FAT3: variants seen among roughly 807,000 people sequenced by gnomAD.
The protein encoded by FAT3 is FAT atypical cadherin 3.
Under a neutral mutation model 310.2 loss-of-function variants are expected in FAT3, and 95 were observed. The observed-to-expected ratio is 0.31, with a 90% confidence interval of 0.26 to 0.36. FAT3 has a LOEUF of 0.36. FAT3 is among the 10% of genes least tolerant of loss of function. The pLI is 1.00. For missense variants in FAT3, 5,408 were observed against 5,715.6 expected (o/e 0.95, Z 1.74); for synonymous variants, 2,314 against 2,192.9 (o/e 1.06, Z -1.54).
At chr11:92,746,753 A>T (rs891474063) in intron 4 of FAT3, among the ~76,000 whole-genome samples, 1 of 152,186 alleles carries the variant, frequency 6.6e-6, no homozygotes, top group African/African-American at 2.4e-5. Context: ...CCCATTCCAA[A>T]TGGGAGAAAT....
In FAT3 at chr11:92,867,271, A is replaced by C. The variant is rs570546718; in HGVS notation, c.12127+62A>C. The C allele has an allele frequency of 4.4e-5, 63 of 1,446,628 alleles. 1 individual carries two copies. The South Asian group carries it at 7.4e-4, about 17-fold the overall frequency. The allele number at this position is 1,446,628 out of a possible 1,614,324, so 89.6% of individuals were successfully genotyped here. ...TTTGAGGGGAGAGTGAATGAACTGC[A>C]GGGGGATCCCTGCCCTCCCAACGCA... is the stretch of plus-strand genomic sequence containing the variant. On this transcript the variant is annotated intron_variant, in intron 22 of 27. Transcript: ENST00000525166.
chr11:92,339,577 T>C (rs1381565760), intron 1 of FAT3, among the ~76,000 whole-genome samples: 1 of 152,206 alleles, frequency 6.6e-6, no homozygotes, highest in East Asian at 1.9e-4. Flanking sequence ...GCAAATGAAA[T>C]GTTCTGTGTG....
intron 2 of FAT3, among the ~76,000 whole-genome samples, chr11:92,482,378 A>C (rs1952251251): frequency 6.6e-6 from 1 of 152,156 alleles, no homozygotes; most frequent in Non-Finnish European, 1.5e-5. Context: ...GCTGCTGAGC[A>C]CATGCAGTGC....
chr11:92,782,569 T>C (rs531309042), intron 7 of FAT3, among the ~76,000 whole-genome samples: 2 of 152,120 alleles, frequency 1.3e-5, no homozygotes, highest in Non-Finnish European at 2.9e-5. Context: ...AAGTAATTAA[T>C]TAATTAAAAT....
In FAT3 at chr11:92,380,031, G is replaced by A. The variant is rs142277596; in HGVS notation, c.3292+24627G>A. On this transcript the variant is annotated intron_variant, in intron 2 of 27. Transcript: ENST00000525166. ...GACAGGATGGATAGTTCTCTTGCTT[G>A]ATGATGTCGTTGAGTCAGAATGCCA... Among the ~76,000 whole-genome samples the A allele has an allele frequency of 6.6e-5, 10 of 151,642 alleles. No individual in the cohort carries two copies. The East Asian group carries it at 2.0e-3, about 30-fold the overall frequency.
chr11:92,343,393 A>G (rs1315349541), intron 1 of FAT3, among the ~76,000 whole-genome samples: 1 of 152,182 alleles, frequency 6.6e-6, no homozygotes, highest in Non-Finnish European at 1.5e-5. Context: ...TCTTCTTGTT[A>G]TAAAGCCATA....
intron 3 of FAT3, among the ~76,000 whole-genome samples, chr11:92,599,165 G>T (rs1330133716): frequency 1.3e-5 from 2 of 152,140 alleles, no homozygotes; most frequent in African/African-American, 4.8e-5. Flanking sequence ...TCATGCTGCT[G>T]ATAAAGACAT....
chr11:92,760,397 G>C (rs1946115137), intron 4 of FAT3, among the ~76,000 whole-genome samples: 1 of 152,148 alleles, frequency 6.6e-6, no homozygotes. Context: ...TGAAAAAATA[G>C]CTGACCAGCT....
chr11:92,548,201 T>C (rs753719364), intron 3 of FAT3, among the ~76,000 whole-genome samples: 10 of 152,164 alleles, frequency 6.6e-5, no homozygotes, highest in Non-Finnish European at 1.2e-4. Context: ...GTTGGTGACT[T>C]GTTACTTAGC....
At chr11:92,789,222 C>T (rs186744556) in intron 7 of FAT3, among the ~76,000 whole-genome samples, 97 of 152,076 alleles carry the variant, frequency 6.4e-4, no homozygotes, top group Middle Eastern at 6.8e-3. Flanking sequence ...TTTAAAATAA[C>T]GTGGGAATAG....
intron 9 of FAT3, among the ~76,000 whole-genome samples, chr11:92,796,309 C>T (rs1197857799): frequency 3.3e-5 from 5 of 152,084 alleles, no homozygotes; most frequent in Admixed American, 2.0e-4. Flanking sequence ...TAAATCATGC[C>T]GACATCAAAG....
At chr11:92,561,107 T>A (rs1032680781) in intron 3 of FAT3, among the ~76,000 whole-genome samples, 1 of 152,208 alleles carries the variant, frequency 6.6e-6, no homozygotes, top group East Asian at 1.9e-4. Flanking sequence ...TTCAGTTACT[T>A]AATAGCCTGT....
rs781109415 is a variant in FAT3, at chr11:92,880,718, T to C, written c.12128-13T>C. On this transcript the variant is annotated splice_polypyrimidine_tract_variant and intron_variant, in intron 22 of 27. Coordinates refer to ENST00000525166, the MANE Select transcript of FAT3 (RefSeq NM_001367949.2). ...GTGGCATCCATGGCTCATGAGGTCCTCTGTTTCCCCAGGCTATCAGTGTAC... is the reference window on the plus strand; with the variant it reads ...GTGGCATCCATGGCTCATGAGGTCCCCTGTTTCCCCAGGCTATCAGTGTAC... 26 of 1,610,064 alleles carry C rather than the reference T, an allele frequency of 1.6e-5. No homozygotes were observed. In the Admixed American group the frequency reaches 4.0e-4, roughly 25 times the overall value.
intron 2 of FAT3, among the ~76,000 whole-genome samples, chr11:92,512,074 C>T (rs1953309673): frequency 6.6e-6 from 1 of 152,152 alleles, no homozygotes; most frequent in Non-Finnish European, 1.5e-5. Context: ...CAGTGTGCCA[C>T]ATTCCAGGCC....
intron 2 of FAT3, among the ~76,000 whole-genome samples, chr11:92,461,030 T>A (rs1281737025): frequency 2.0e-5 from 3 of 152,198 alleles, no homozygotes; most frequent in Non-Finnish European, 4.4e-5. Flanking sequence ...AGTCCATGGC[T>A]AAAGGAAAAA....
intron 1 of FAT3, among the ~76,000 whole-genome samples, chr11:92,246,003 T>G (rs1218602163): frequency 1.3e-5 from 2 of 151,626 alleles, no homozygotes; most frequent in East Asian, 3.9e-4. Flanking sequence ...GTCAGCAGGG[T>G]GATTAAGGAT....
At chr11:92,729,117 A>G (rs1945093609) in intron 4 of FAT3, among the ~76,000 whole-genome samples, 1 of 152,064 alleles carries the variant, frequency 6.6e-6, no homozygotes, top group Admixed American at 6.6e-5. Context: ...GATTTGTTCT[A>G]TGTGTTTCTT....
intron 9 of FAT3, among the ~76,000 whole-genome samples, chr11:92,797,117 G>A (rs1413575824): frequency 1.3e-5 from 2 of 152,182 alleles, no homozygotes; most frequent in Non-Finnish European, 2.9e-5. Context: ...GTCTAGATGT[G>A]TGCATGTGTG....
At chr11:92,612,262 C>A (rs371704878) in intron 3 of FAT3, among the ~76,000 whole-genome samples, 1 of 152,294 alleles carries the variant, frequency 6.6e-6, no homozygotes, top group East Asian at 1.9e-4. Context: ...ACTTTTCTCT[C>A]CACCTCACCC....
Sources: allele counts gnomAD v4.1 joint callset (sites outside exome capture counted in the v4.1 genomes callset), GRCh38; gene constraint gnomAD v4.1.1; transcripts MANE v1.5; gene names NCBI Gene and HGNC (gene_info 2026-07-23, HGNC 2026-07-21).